CMIP: variants seen among roughly 807,000 people sequenced by gnomAD.
The protein encoded by CMIP is c-Maf inducing protein.
In CMIP, 13 loss-of-function variants were observed where a neutral mutation model predicts 97.3. The observed-to-expected ratio is 0.13, with a 90% CI of 0.09 to 0.21. The LOEUF (loss-of-function observed/expected upper bound fraction) is 0.21, where lower values mean the gene tolerates loss of function less well. CMIP is among the 10% of genes least tolerant of loss of function. The pLI is 1.00. For missense variants in CMIP, 847 were observed against 1,024.9 expected, an observed-to-expected ratio of 0.83 and a Z score of 2.37; for synonymous variants, 538 against 436.3, an observed-to-expected ratio of 1.23 and a Z score of -2.91.
rs374074255 is a variant in CMIP, at chr16:81,657,830, G to T, written c.681+14G>T. 5 of 1,598,342 alleles carry T rather than the reference G, an allele frequency of 3.1e-6. No individual in the cohort carries two copies. The African/African-American group carries it at 4.0e-5, about 13-fold the overall frequency. On this transcript the variant is annotated intron_variant, in intron 5 of 20. Transcript: ENST00000537098. ...AACATCATTGTGGTAAGTTCCTCTC[G>T]AACACGCTCCCTCCACCCACCTCCG... is the stretch of plus-strand genomic sequence containing the variant.
intron 1 of CMIP, among the ~76,000 whole-genome samples, chr16:81,601,380 C>G (rs945951064): frequency 1.3e-5 from 2 of 152,130 alleles, no homozygotes; most frequent in African/African-American, 4.8e-5. Context: ...GGCTAGGTGT[C>G]TTCTGCCAGC....
intron 1 of CMIP, chr16:81,603,279 C>A: frequency 5.0e-6 from 2 of 400,386 alleles, no homozygotes; most frequent in Non-Finnish European, 5.0e-6. Flanking sequence ...GACGGGGTTT[C>A]ACCATGTTAG....
At chr16:81,615,910 A>T (rs751922068) in intron 2 of CMIP, among the ~76,000 whole-genome samples, 15 of 152,134 alleles carry the variant, frequency 9.9e-5, no homozygotes, top group Admixed American at 8.5e-4. Context: ...GTTACCGTGG[A>T]CAAACATGGC....
At chr16:81,503,668 A>G (rs1221960542) in intron 1 of CMIP, among the ~76,000 whole-genome samples, 1 of 152,186 alleles carries the variant, frequency 6.6e-6, no homozygotes, top group Non-Finnish European at 1.5e-5. Flanking sequence ...AGGTGCTGGG[A>G]TTATAGGCCT....
chr16:81,569,251 A>G (rs555532171), intron 1 of CMIP, among the ~76,000 whole-genome samples: 116 of 152,270 alleles, frequency 7.6e-4, no homozygotes, highest in African/African-American at 2.2e-3. Context: ...CATGCATTCT[A>G]TACATACTGT....
chr16:81,697,464 A>G (rs913129794), intron 14 of CMIP: 9 of 152,162 alleles, frequency 5.9e-5, no homozygotes, highest in African/African-American at 2.2e-4. Flanking sequence ...AACCAGCTCC[A>G]TTTACTGGTC....
intron 1 of CMIP, among the ~76,000 whole-genome samples, chr16:81,590,822 C>G (rs1162812643): frequency 7.5e-6 from 1 of 133,066 alleles, no homozygotes; most frequent in Non-Finnish European, 1.6e-5. Context: ...CTCACTTTCT[C>G]TCATCCATCC....
At chr16:81,583,750 A>G (rs2091335511) in intron 1 of CMIP, among the ~76,000 whole-genome samples, 1 of 152,174 alleles carries the variant, frequency 6.6e-6, no homozygotes. Flanking sequence ...TCTGGGAAAG[A>G]CGAGAGCATC....
chr16:81,467,337 G>A (rs1392661605), intron 1 of CMIP, among the ~76,000 whole-genome samples: 1 of 152,104 alleles, frequency 6.6e-6, no homozygotes, highest in East Asian at 1.9e-4. Flanking sequence ...AGTGAGGCAG[G>A]GGCTTAACAT....
At chr16:81,498,536 T>A (rs1396594863) in intron 1 of CMIP, among the ~76,000 whole-genome samples, 2 of 152,200 alleles carry the variant, frequency 1.3e-5, no homozygotes, top group Admixed American at 1.3e-4. Context: ...TCCTCGCGCC[T>A]CACTCTGAGA....
At chr16:81,672,222 G>A (rs1173595993) in intron 9 of CMIP, among the ~76,000 whole-genome samples, 152 bp downstream of exon 9, 1 of 152,236 alleles carries the variant, frequency 6.6e-6, no homozygotes, top group Non-Finnish European at 1.5e-5. Flanking sequence ...GTTCCCCTGG[G>A]CACATTGATT....
intron 10 of CMIP, among the ~76,000 whole-genome samples, chr16:81,683,413 C>A (rs1014009542): frequency 6.6e-6 from 1 of 152,190 alleles, no homozygotes; most frequent in South Asian, 2.1e-4. Context: ...GTCCTAATGA[C>A]TGGGAGGCAG....
intron 1 of CMIP, among the ~76,000 whole-genome samples, chr16:81,448,248 T>C (rs189342612): frequency 1.3e-3 from 202 of 152,374 alleles, no homozygotes; most frequent in Non-Finnish European, 2.2e-3. Context: ...ATCTGGTTAA[T>C]TGTATGGGCT....
chr16:81,701,843 C>T (rs1321471225), intron 16 of CMIP, 43 bp downstream of exon 16: 1 of 1,608,578 alleles, frequency 6.2e-7, no homozygotes, highest in South Asian at 1.1e-5. Context: ...GCCCAGCAGG[C>T]CAGGGGGGGC....
chr16:81,565,010 G>C (rs1343428433), intron 1 of CMIP, among the ~76,000 whole-genome samples: 1 of 152,016 alleles, frequency 6.6e-6, no homozygotes, highest in Non-Finnish European at 1.5e-5. Context: ...TCTCCAGAGG[G>C]GGTTTCATGA....
At chr16:81,530,003 C>T (rs1239294867) in intron 1 of CMIP, among the ~76,000 whole-genome samples, 5 of 152,264 alleles carry the variant, frequency 3.3e-5, no homozygotes, top group Admixed American at 1.3e-4. Context: ...TACGAGGGTC[C>T]GCATTAACAG....
chr16:81,548,414 G>C (rs2090590420), intron 1 of CMIP, among the ~76,000 whole-genome samples: 4 of 152,268 alleles, frequency 2.6e-5, no homozygotes, highest in Admixed American at 2.6e-4. Context: ...TGGGATTACA[G>C]TGTGAGGCAC....
At chr16:81,561,929 G>A (rs1317766045) in intron 1 of CMIP, among the ~76,000 whole-genome samples, 1 of 152,206 alleles carries the variant, frequency 6.6e-6, no homozygotes, top group Non-Finnish European at 1.5e-5. Flanking sequence ...AAGTATGGGA[G>A]TTGGGATACC....
intron 3 of CMIP, among the ~76,000 whole-genome samples, chr16:81,643,278 A>G (rs552120811): frequency 3.3e-5 from 5 of 152,342 alleles, no homozygotes; most frequent in African/African-American, 1.2e-4. Context: ...CTGTGGTCAC[A>G]AAAGGACACA....
Sources: allele counts gnomAD v4.1 joint callset (sites outside exome capture counted in the v4.1 genomes callset), GRCh38; gene constraint gnomAD v4.1.1; transcripts MANE v1.5; gene names NCBI Gene and HGNC (gene_info 2026-07-23, HGNC 2026-07-21).